The following ZNF567 variants were observed in gnomAD, a reference collection of about 807,000 sequenced individuals.
ZNF567 encodes zinc finger protein 567.
ZNF567 carries 36 observed loss-of-function variants against 53.9 expected under a neutral mutation model. The observed-to-expected ratio is 0.67, with a 90% CI of 0.51 to 0.88. The LOEUF (loss-of-function observed/expected upper bound fraction) is 0.88. Ranked by LOEUF, ZNF567 falls within the 40% of genes least tolerant of loss-of-function variation. The probability of loss-of-function intolerance (pLI) is 0.00; values close to 1 mark genes in which losing one functional copy is unlikely to be tolerated. For missense variants in ZNF567, 619 were observed against 764.7 expected (o/e 0.81, Z 2.25); for synonymous variants, 224 against 260.4 (o/e 0.86, Z 1.35).
chr19:36,724,320 T>C (rs993364286), downstream of ZNF567, among the ~76,000 whole-genome samples: 3 of 151,894 alleles, frequency 2.0e-5, no homozygotes, highest in Non-Finnish European at 4.4e-5. Context: ...TTAATTTTTT[T>C]AACAATCATC....
At chr19:36,706,644 C>A (rs2039501569) in intron 3 of ZNF567, among the ~76,000 whole-genome samples, 1 of 149,540 alleles carries the variant, frequency 6.7e-6, no homozygotes, top group South Asian at 2.1e-4. Context: ...TATGATATAC[C>A]TGATTTCCAT....
At chr19:36,704,991 TA>T (rs1388082986) in intron 3 of ZNF567, among the ~76,000 whole-genome samples, 1 of 152,242 alleles carries the variant, frequency 6.6e-6, no homozygotes, top group African/African-American at 2.4e-5. Flanking sequence ...TGTATTGGCA[TA>T]AAGTTGTTGC....
At chr19:36,697,549 T>G (rs1389499617) in intron 3 of ZNF567, among the ~76,000 whole-genome samples, 1 of 152,096 alleles carries the variant, frequency 6.6e-6, no homozygotes, top group Non-Finnish European at 1.5e-5. Context: ...GTGCCCAACT[T>G]AGGCAAAAGG....
At chr19:36,715,214 G>A (rs2145867217) in intron 5 of ZNF567, among the ~76,000 whole-genome samples, 1 of 151,990 alleles carries the variant, frequency 6.6e-6, no homozygotes, top group East Asian at 1.9e-4. Flanking sequence ...AGGCTGGAGT[G>A]CAGTGGTTCA....
chr19:36,710,577 A>G (rs1246593404), intron 3 of ZNF567, among the ~76,000 whole-genome samples: 1 of 152,282 alleles, frequency 6.6e-6, no homozygotes, highest in Admixed American at 6.5e-5. Context: ...AGCAGCTGAT[A>G]TATCCTCTTA....
intron 3 of ZNF567, among the ~76,000 whole-genome samples, chr19:36,701,141 T>G (rs903484561): frequency 2.0e-5 from 3 of 152,228 alleles, no homozygotes; most frequent in African/African-American, 7.2e-5. Context: ...CTCGTTGGTT[T>G]CAAAGAACAT....
At chr19:36,682,583 T>G in the ZNF567 span, among the ~76,000 whole-genome samples, 2 of 148,820 alleles carry the variant, frequency 1.3e-5, no homozygotes, top group African/African-American at 4.9e-5. Context: ...TGGGTTTTTT[T>G]TTTATTATTT....
At chr19:36,676,221 A>G in the ZNF567 span, among the ~76,000 whole-genome samples, 1 of 151,056 alleles carries the variant, frequency 6.6e-6, no homozygotes, top group Admixed American at 6.6e-5. Flanking sequence ...ACCTGCCACC[A>G]TGCCTGGCTA....
chr19:36,723,916 T>G (rs894453696), downstream of ZNF567, among the ~76,000 whole-genome samples: 2 of 152,114 alleles, frequency 1.3e-5, no homozygotes, highest in Non-Finnish European at 2.9e-5. Flanking sequence ...TGCTCATAAC[T>G]TTCAGTTTTA....
chr19:36,671,404 C>T, the ZNF567 span, among the ~76,000 whole-genome samples: 5 of 152,166 alleles, frequency 3.3e-5, no homozygotes, highest in Non-Finnish European at 7.4e-5. Context: ...GGGGTCTCTT[C>T]GGATTTTGGA....
downstream of ZNF567, chr19:36,723,109 T>C: frequency 1.4e-6 from 1 of 699,636 alleles, no homozygotes; most frequent in South Asian, 1.5e-5. Context: ...GGGAGTTATA[T>C]ACTAGTATAT....
intron 3 of ZNF567, among the ~76,000 whole-genome samples, chr19:36,698,383 A>G (rs575427282): frequency 1.3e-5 from 2 of 152,088 alleles, no homozygotes; most frequent in South Asian, 4.2e-4. Context: ...CGCAGTAAAC[A>G]TACGTGTGCA....
At chr19:36,688,409 A>G (rs1390145856) in intron 1 of ZNF567, among the ~76,000 whole-genome samples, 2 of 152,102 alleles carry the variant, frequency 1.3e-5, no homozygotes, top group Non-Finnish European at 2.9e-5. Flanking sequence ...GGCATTTTAT[A>G]TATGCCTGTA....
chr19:36,674,111 T>A, the ZNF567 span, among the ~76,000 whole-genome samples: 1 of 152,334 alleles, frequency 6.6e-6, no homozygotes, highest in South Asian at 2.1e-4. Context: ...TATTTACTAA[T>A]TATTATCAGG....
intron 2 of ZNF567, among the ~76,000 whole-genome samples, chr19:36,691,255 C>T (rs927010777): frequency 2.6e-5 from 4 of 152,052 alleles, no homozygotes; most frequent in African/African-American, 9.7e-5. Context: ...TCTCCCTGGG[C>T]TCAGGTGATC....
the ZNF567 span, among the ~76,000 whole-genome samples, chr19:36,675,087 C>T: frequency 6.6e-6 from 1 of 152,170 alleles, no homozygotes; most frequent in Admixed American, 6.5e-5. Flanking sequence ...TGAAAATCTT[C>T]CATTTAATAA....
At chr19:36,725,317 C>T (rs1197607032), downstream of ZNF567, among the ~76,000 whole-genome samples, 1 of 152,002 alleles carries the variant, frequency 6.6e-6, no homozygotes, top group Non-Finnish European at 1.5e-5. Context: ...ACTCTCCTGT[C>T]TCAGTCTCTC....
the ZNF567 span, among the ~76,000 whole-genome samples, chr19:36,676,055 C>CTTTTTTTTTTTTTT: frequency 7.8e-4 from 47 of 60,618 alleles, 15 homozygotes; most frequent in Non-Finnish European, 9.8e-4. Flanking sequence ...TATTCTACAC[C>CTTTTTTTTTTTTTT]TTTTTTTTTT....
intron 3 of ZNF567, among the ~76,000 whole-genome samples, chr19:36,695,975 CAA>C (rs997109287): frequency 6.6e-6 from 1 of 152,174 alleles, no homozygotes; most frequent in Non-Finnish European, 1.5e-5. Flanking sequence ...GCAACTTGTA[CAA>C]AAAACTGAGA....
Sources: allele counts gnomAD v4.1 joint callset (sites outside exome capture counted in the v4.1 genomes callset), GRCh38; gene constraint gnomAD v4.1.1; transcripts MANE v1.5; gene names NCBI Gene and HGNC (gene_info 2026-07-23, HGNC 2026-07-21).